Variants in ST6GALNAC5 observed in about 807,000 individuals in gnomAD.
The protein encoded by ST6GALNAC5 is ST6 N-acetylgalactosaminide alpha-2,6-sialyltransferase 5.
In ST6GALNAC5, 27 loss-of-function variants were observed where a neutral mutation model predicts 33.6. That is an observed-to-expected ratio of 0.80 (90% CI 0.59 to 1.11). The LOEUF (loss-of-function observed/expected upper bound fraction) is 1.11, where lower values mean the gene tolerates loss of function less well. Among genes scored for constraint, ST6GALNAC5 ranks in the 50% least tolerant of loss-of-function variants. ST6GALNAC5 has a pLI of 0.00. For missense variants in ST6GALNAC5, 428 were observed against 454.0 expected, an observed-to-expected ratio of 0.94 and a Z score of 0.52; for synonymous variants, 194 against 171.2, an observed-to-expected ratio of 1.13 and a Z score of -1.04.
chr1:76,969,740 C>T (rs113734552), intron 2 of ST6GALNAC5, among the ~76,000 whole-genome samples: 12 of 152,222 alleles, frequency 7.9e-5, no homozygotes, highest in African/African-American at 2.9e-4. Context: ...GGTCCCTGAC[C>T]CCCGTGTAGC....
chr1:76,974,543 C>T (rs920332473), intron 2 of ST6GALNAC5, among the ~76,000 whole-genome samples: 1 of 151,616 alleles, frequency 6.6e-6, no homozygotes, highest in Non-Finnish European at 1.5e-5. Context: ...CTTCTTTCTT[C>T]TTGATATAAG....
chr1:76,910,652 G>A (rs1408462007), intron 2 of ST6GALNAC5, among the ~76,000 whole-genome samples: 1 of 151,942 alleles, frequency 6.6e-6, no homozygotes, highest in Non-Finnish European at 1.5e-5. Flanking sequence ...TACCTTTTCT[G>A]TAGGTTGTTA....
At chr1:76,880,215 A>G (rs534747386) in intron 2 of ST6GALNAC5, among the ~76,000 whole-genome samples, 145 of 152,308 alleles carry the variant, frequency 9.5e-4, no homozygotes, top group Non-Finnish European at 9.0e-4. Context: ...GTGAATCAGG[A>G]GTGTCAAATG....
intron 2 of ST6GALNAC5, among the ~76,000 whole-genome samples, chr1:76,873,487 A>G (rs948372323): frequency 2.6e-5 from 4 of 152,198 alleles, no homozygotes; most frequent in Admixed American, 6.5e-5. Context: ...TGGGTACACA[A>G]TAAGTATGTA....
chr1:76,944,853 T>C (rs2100329692), intron 2 of ST6GALNAC5, among the ~76,000 whole-genome samples: 1 of 152,250 alleles, frequency 6.6e-6, no homozygotes, highest in East Asian at 1.9e-4. Flanking sequence ...GTTACAGCAT[T>C]TTCTGCTCAG....
intron 2 of ST6GALNAC5, among the ~76,000 whole-genome samples, chr1:76,920,203 T>C (rs2100295709): frequency 6.6e-6 from 1 of 152,292 alleles, no homozygotes; most frequent in Non-Finnish European, 1.5e-5. Flanking sequence ...CAGCTCTACA[T>C]AGCTGGGCTT....
At chr1:76,930,150 G>A (rs60780210) in intron 2 of ST6GALNAC5, among the ~76,000 whole-genome samples, 19,961 of 152,024 alleles carry the variant, frequency 0.13, 1,392 homozygotes, top group South Asian at 0.27. Flanking sequence ...CCCCCTACTC[G>A]TTTTGTGGTC....
intron 2 of ST6GALNAC5, among the ~76,000 whole-genome samples, chr1:76,916,246 C>T (rs1199436339): frequency 6.6e-6 from 1 of 152,126 alleles, no homozygotes; most frequent in Non-Finnish European, 1.5e-5. Context: ...TGGACTAAGC[C>T]AGCCTCATCC....
At chr1:76,968,248 T>G (rs1648582721) in intron 2 of ST6GALNAC5, among the ~76,000 whole-genome samples, 1 of 152,160 alleles carries the variant, frequency 6.6e-6, no homozygotes, top group Non-Finnish European at 1.5e-5. Context: ...AGGACTTGCT[T>G]TATGAATCTG....
chr1:77,051,466 T>C (rs1258026789), intron 4 of ST6GALNAC5, among the ~76,000 whole-genome samples: 1 of 152,164 alleles, frequency 6.6e-6, no homozygotes, highest in Non-Finnish European at 1.5e-5. Flanking sequence ...GCCTGGTCAC[T>C]TACCCACCTA....
intron 2 of ST6GALNAC5, among the ~76,000 whole-genome samples, chr1:77,034,176 G>C (rs1651565188): frequency 6.6e-6 from 1 of 152,102 alleles, no homozygotes; most frequent in Non-Finnish European, 1.5e-5. Flanking sequence ...CACAGCGCTT[G>C]TTCCCCCTGC....
chr1:77,046,723 T>A (rs1570134561), intron 3 of ST6GALNAC5, among the ~76,000 whole-genome samples: 1 of 152,354 alleles, frequency 6.6e-6, no homozygotes, highest in Admixed American at 6.5e-5. Flanking sequence ...TAGTTTCATT[T>A]TTTACTTGTT....
chr1:76,874,290 A>G (rs1306854184), intron 2 of ST6GALNAC5, among the ~76,000 whole-genome samples: 2 of 152,192 alleles, frequency 1.3e-5, no homozygotes, highest in Non-Finnish European at 2.9e-5. Flanking sequence ...TTTCCTCGGC[A>G]TGACATAGGG....
chr1:76,926,076 C>G (rs1647082668), intron 2 of ST6GALNAC5, among the ~76,000 whole-genome samples: 1 of 152,164 alleles, frequency 6.6e-6, no homozygotes, highest in African/African-American at 2.4e-5. Context: ...ATGGATCTGC[C>G]TCGCAGGATC....
rs1285799659 is a variant in ST6GALNAC5, at chr1:77,064,568, A to G, written c.*1362A>G. 3 of 152,140 alleles carry G rather than the reference A, an allele frequency of 2.0e-5. No homozygotes were observed. Among genetic ancestry groups the G allele is most frequent in the Admixed American group, 6.6e-5 (1 of 15,254 alleles). 9.4% of individuals were successfully genotyped at this position (152,140 alleles called of 1,614,324 possible). ...TATGAACTGTTTAGACTCACTACAA[A>G]TCTTCTTAGATTATATTCATTACCA... On this transcript the variant is annotated 3_prime_UTR_variant, in exon 5 of 5. Transcript: ENST00000477717.
intron 2 of ST6GALNAC5, among the ~76,000 whole-genome samples, chr1:76,901,973 A>T (rs1198283683): frequency 2.6e-5 from 4 of 152,100 alleles, no homozygotes; most frequent in Non-Finnish European, 4.4e-5. Flanking sequence ...TTCCTTTTAC[A>T]TATTTTTCCT....
At position 76,992,912 on chromosome 1, in the gene ST6GALNAC5, C is replaced by A. The variant is rs118140087; in HGVS notation, c.262-51292C>A. ...TTGCAGGTTAGAGACAAAGTATGTCCACTCTAGGTTCTTGCTGCCCTTGAG... is the reference window on the plus strand; with the variant it reads ...TTGCAGGTTAGAGACAAAGTATGTCAACTCTAGGTTCTTGCTGCCCTTGAG... On this transcript the variant is annotated intron_variant, in intron 2 of 4. Transcript: ENST00000477717. 1.1e-3 allele frequency among the ~76,000 whole-genome samples: 171 copies of A among 152,290 alleles called. 3 individuals are homozygous for A. The East Asian group carries it at 0.023, about 20-fold the overall frequency.
chr1:76,903,782 A>G (rs886336122), intron 2 of ST6GALNAC5, among the ~76,000 whole-genome samples: 4 of 152,224 alleles, frequency 2.6e-5, no homozygotes, highest in Admixed American at 1.3e-4. Flanking sequence ...GAAACCATGA[A>G]ACTATTAAGC....
chr1:76,891,943 A>G (rs1654022208), intron 2 of ST6GALNAC5, among the ~76,000 whole-genome samples: 1 of 152,214 alleles, frequency 6.6e-6, no homozygotes, highest in Admixed American at 6.5e-5. Flanking sequence ...CAGGCATCAT[A>G]TGTACTTACA....
Sources: gnomAD v4.1 joint callset for allele counts (sites outside exome capture counted in the v4.1 genomes callset) on GRCh38, gnomAD v4.1.1 for gene constraint, MANE v1.5 for transcripts, NCBI Gene and HGNC (gene_info 2026-07-23, HGNC 2026-07-21) for gene names.